Variants in TNIK observed in about 807,000 individuals in gnomAD.
The protein encoded by TNIK is TRAF2 and NCK-interacting protein kinase.
TNIK carries 49 observed loss-of-function variants against 191.3 expected under a neutral mutation model. The ratio of observed to expected loss-of-function variants is 0.26; its 90% confidence interval spans 0.20 to 0.32. The LOEUF (loss-of-function observed/expected upper bound fraction) is 0.32, where lower values mean the gene tolerates loss of function less well. TNIK is among the 10% of genes least tolerant of loss of function. The pLI is 1.00. For missense variants in TNIK, 1,155 were observed against 1,702.3 expected (o/e 0.68, Z 5.66); for synonymous variants, 594 against 600.9 (o/e 0.99, Z 0.17).
At chr3:171,378,337 C>G (rs1257228707) in intron 1 of TNIK, among the ~76,000 whole-genome samples, 1 of 152,126 alleles carries the variant, frequency 6.6e-6, no homozygotes, top group Non-Finnish European at 1.5e-5. Flanking sequence ...CATTTTCTAG[C>G]CATATGACTT....
At chr3:171,275,677 A>T (rs987136309) in intron 2 of TNIK, among the ~76,000 whole-genome samples, 1 of 152,064 alleles carries the variant, frequency 6.6e-6, no homozygotes, top group Non-Finnish European at 1.5e-5. Context: ...TGGGCGGATC[A>T]TGAGGACAGG....
Position 171,161,356 on chromosome 3 carries a change from T to C in TNIK, c.950-20A>G, listed in dbSNP as rs1733960878. Reference sequence around the variant, plus strand: ...TCTCATCTGAAGAAAGATCCCAGCATGTTAGTGCACAAAAAGATGCTATGG... The same window carrying C: ...TCTCATCTGAAGAAAGATCCCAGCACGTTAGTGCACAAAAAGATGCTATGG... On this transcript the variant is annotated intron_variant, in intron 10 of 32. Coordinates refer to ENST00000436636, the MANE Select transcript of TNIK (RefSeq NM_015028.4). 4 of 1,608,240 alleles carry C rather than the reference T, an allele frequency of 2.5e-6. No homozygotes were observed. Among genetic ancestry groups the C allele is most frequent in the Non-Finnish European group, 2.5e-6 (3 of 1,176,750 alleles).
chr3:171,449,237 G>C (rs1274998331), intron 1 of TNIK, among the ~76,000 whole-genome samples: 6 of 152,026 alleles, frequency 3.9e-5, no homozygotes, highest in Non-Finnish European at 8.8e-5. Flanking sequence ...CTTTACAGTA[G>C]AATGAATTAT....
At chr3:171,431,390 T>TG in intron 1 of TNIK, among the ~76,000 whole-genome samples, 1 of 152,084 alleles carries the variant, frequency 6.6e-6, no homozygotes, top group Non-Finnish European at 1.5e-5. Context: ...AGTACATTCT[T>TG]TTTAATATAA....
chr3:171,180,705 A>T (rs1489722513), intron 7 of TNIK, among the ~76,000 whole-genome samples: 3 of 152,196 alleles, frequency 2.0e-5, no homozygotes, highest in African/African-American at 7.2e-5. Context: ...AAGATCAAAG[A>T]GCAACTTAGC....
At chr3:171,316,912 ATATATAT>A (rs1754664558) in intron 2 of TNIK, among the ~76,000 whole-genome samples, 1 of 106,938 alleles carries the variant, frequency 9.4e-6, no homozygotes, top group Non-Finnish European at 1.9e-5. Flanking sequence ...CAATTATATG[ATATATAT>A]CATATAAAAT....
intron 3 of TNIK, among the ~76,000 whole-genome samples, chr3:171,213,167 G>A (rs1741047040): frequency 6.6e-6 from 1 of 151,966 alleles, no homozygotes; most frequent in Non-Finnish European, 1.5e-5. Flanking sequence ...CTTGTTGAAG[G>A]GTCCCTACAG....
intron 18 of TNIK, among the ~76,000 whole-genome samples, chr3:171,114,425 A>T (rs974808593): frequency 1.3e-5 from 2 of 152,210 alleles, no homozygotes; most frequent in African/African-American, 4.8e-5. Context: ...CCTTTGAGAT[A>T]CTTTTAGTTT....
rs9868319 is a variant in TNIK at position 171,190,158 on chromosome 3, C to T, written c.508+539G>A. 7.7e-3 allele frequency among the ~76,000 whole-genome samples: 1,167 copies of T among 152,224 alleles called. 18 individuals carry two copies. Among genetic ancestry groups the T allele is most frequent in the African/African-American group, 0.027 (1,102 of 41,534 alleles). On this transcript the variant is annotated intron_variant, in intron 6 of 32. Transcript: ENST00000436636. ...GTTGCGGAAAGAGCTCTAACAGATA[C>T]GCCAAAGAGAAGGATTCTCCCACTG...
At chr3:171,122,135 T>C (rs1435150186) in intron 18 of TNIK, among the ~76,000 whole-genome samples, 1 of 152,236 alleles carries the variant, frequency 6.6e-6, no homozygotes, top group Non-Finnish European at 1.5e-5. Flanking sequence ...GAAATGGCTT[T>C]TTATTTGACT....
At chr3:171,182,107 G>A (rs1179744840) in intron 7 of TNIK, among the ~76,000 whole-genome samples, 1 of 148,620 alleles carries the variant, frequency 6.7e-6, no homozygotes, top group Non-Finnish European at 1.5e-5. Context: ...ACTCTGCTAA[G>A]TCACATGACC....
chr3:171,128,677 T>A (rs777244649), intron 16 of TNIK, 37 bp downstream of exon 16: 1 of 1,579,100 alleles, frequency 6.3e-7, no homozygotes, highest in Non-Finnish European at 8.6e-7. Context: ...CTTGTGCAAC[T>A]TATTGGAATG....
chr3:171,309,014 G>T (rs1353634966), intron 2 of TNIK, among the ~76,000 whole-genome samples: 2 of 152,078 alleles, frequency 1.3e-5, no homozygotes. Context: ...CTTAAAAACA[G>T]AACTACCATT....
In TNIK at chr3:171,084,324, A is replaced by T; in HGVS notation, c.3000T>A (p.Ala1000=). Residue 1000 remains alanine, a splice_region_variant and synonymous_variant, in exon 26 of 33, where the codon GCT becomes GCA. Transcript: ENST00000436636. ...DEEDEESSAA[A]LFTSELLRQE... ...GCCTAAGAAGTTCGCTAGTAAACAG[A>T]GCTTTGAGAAAAAGAATCAGAGAAG... 4 of 1,608,386 alleles carry T rather than the reference A, an allele frequency of 2.5e-6. No homozygotes were observed. Among genetic ancestry groups the T allele is most frequent in the Non-Finnish European group, 3.4e-6 (4 of 1,175,906 alleles).
At chr3:171,150,557 G>T (rs369951272) in intron 12 of TNIK, among the ~76,000 whole-genome samples, 30 of 152,178 alleles carry the variant, frequency 2.0e-4, no homozygotes, top group East Asian at 1.7e-3. Context: ...CCACTTGGTG[G>T]CAATGATGGG....
At chr3:171,287,750 C>CT (rs1344865149) in intron 2 of TNIK, among the ~76,000 whole-genome samples, 2 of 152,120 alleles carry the variant, frequency 1.3e-5, no homozygotes, top group Non-Finnish European at 2.9e-5. Flanking sequence ...CAGTGAACTC[C>CT]TTCCTTTACA....
In TNIK at chr3:171,404,422, G is replaced by T. The variant is rs567739384; in HGVS notation, c.58-34737C>A. ...CTATCACTGCCACTAATTTTTATCA[G>T]TTCATTAATTTAATGAATCTTTATA... On this transcript the variant is annotated intron_variant, in intron 1 of 32. Coordinates refer to ENST00000436636, the MANE Select transcript of TNIK (RefSeq NM_015028.4). Among the ~76,000 whole-genome samples, 249 of 152,018 alleles carry T rather than the reference G, an allele frequency of 1.6e-3. 1 individual carries two copies. Among genetic ancestry groups the T allele is most frequent in the African/African-American group, 6.0e-3 (247 of 41,444 alleles).
intron 15 of TNIK, among the ~76,000 whole-genome samples, chr3:171,132,223 A>C (rs1475246053): frequency 6.6e-6 from 1 of 152,246 alleles, no homozygotes; most frequent in East Asian, 1.9e-4. Context: ...ATGATTTCAC[A>C]GTAGAAGGAA....
At chr3:171,331,151 C>T (rs1199124647) in intron 2 of TNIK, among the ~76,000 whole-genome samples, 2 of 152,198 alleles carry the variant, frequency 1.3e-5, no homozygotes, top group African/African-American at 4.8e-5. Context: ...TTAATGAGTT[C>T]TCACACCCTC....
Sources: allele counts gnomAD v4.1 joint callset (sites outside exome capture counted in the v4.1 genomes callset), GRCh38; gene constraint gnomAD v4.1.1; transcripts MANE v1.5; gene names NCBI Gene and HGNC (gene_info 2026-07-23, HGNC 2026-07-21).